Variants in KCNB2 observed in about 807,000 individuals in gnomAD.
The protein encoded by KCNB2 is potassium voltage-gated channel subfamily B member 2.
KCNB2 carries 15 observed loss-of-function variants against 61.5 expected under a neutral mutation model. The observed-to-expected ratio is 0.24, with a 90% CI of 0.16 to 0.38. The LOEUF (loss-of-function observed/expected upper bound fraction) is 0.38. Among genes scored for constraint, KCNB2 ranks in the 10% least tolerant of loss-of-function variants. KCNB2 has a pLI of 1.00. For missense variants in KCNB2, 828 were observed against 1,125.2 expected (o/e 0.74, Z 3.78); for synonymous variants, 457 against 446.0 (o/e 1.02, Z -0.31).
At chr8:72,688,398 C>T (rs575037803) in intron 2 of KCNB2, among the ~76,000 whole-genome samples, 3 of 152,178 alleles carry the variant, frequency 2.0e-5, no homozygotes, top group African/African-American at 7.2e-5. Flanking sequence ...ACTGGAATGC[C>T]TATTCTTCTT....
At chr8:72,699,617 A>G (rs1010656094) in intron 2 of KCNB2, among the ~76,000 whole-genome samples, 2 of 152,028 alleles carry the variant, frequency 1.3e-5, no homozygotes, top group Non-Finnish European at 2.9e-5. Context: ...CCATTTATCA[A>G]TTTTGGCTTT....
chr8:72,724,985 C>G (rs184883619), intron 2 of KCNB2, among the ~76,000 whole-genome samples: 55 of 152,042 alleles, frequency 3.6e-4, no homozygotes, highest in African/African-American at 1.1e-3. Context: ...TTTTCCTAAC[C>G]TTGGAGATAT....
At chr8:72,751,072 A>T (rs1216797059) in intron 2 of KCNB2, 2 of 152,156 alleles carry the variant, frequency 1.3e-5, no homozygotes, top group Admixed American at 1.3e-4. Context: ...TGACTTGAGA[A>T]GCTTGAAGCT....
chr8:72,559,368 CT>C (rs1806476668), intron 1 of KCNB2, among the ~76,000 whole-genome samples: 8 of 152,074 alleles, frequency 5.3e-5, no homozygotes, highest in Admixed American at 4.6e-4. Flanking sequence ...TGATCTTGAA[CT>C]CTTGAGCTCA....
intron 2 of KCNB2, among the ~76,000 whole-genome samples, chr8:72,711,744 C>A (rs1363953796): frequency 3.8e-5 from 4 of 104,466 alleles, no homozygotes. Flanking sequence ...AATCCCAGCA[C>A]TTTGGGAGGC....
At chr8:72,927,485 G>T (rs1248710332) in intron 2 of KCNB2, among the ~76,000 whole-genome samples, 2 of 152,078 alleles carry the variant, frequency 1.3e-5, no homozygotes, top group East Asian at 3.9e-4. Context: ...TGGTCAGGCT[G>T]GTCTTGAACT....
Position 72,779,614 on chromosome 8 carries a change from G to A in KCNB2, c.580-156321G>A, listed in dbSNP as rs533566802. Among the ~76,000 whole-genome samples, 4 of 152,106 alleles carry A rather than the reference G, an allele frequency of 2.6e-5. No homozygotes were observed. In the East Asian group the frequency reaches 5.8e-4, roughly 22 times the overall value. On this transcript the variant is annotated intron_variant, in intron 2 of 2. Transcript: ENST00000523207. ...TCATTTTCCCATTTCTGGAATTATT[G>A]CAAAACTCAATTAGTGAGTTTTATG...
At chr8:72,737,987 ATG>A (rs1449092171) in intron 2 of KCNB2, among the ~76,000 whole-genome samples, 1 of 152,176 alleles carries the variant, frequency 6.6e-6, no homozygotes, top group African/African-American at 2.4e-5. Flanking sequence ...TGCACCATGC[ATG>A]TATAATCCAA....
At chr8:72,924,832 G>A (rs183371889) in intron 2 of KCNB2, among the ~76,000 whole-genome samples, 95 of 152,220 alleles carry the variant, frequency 6.2e-4, no homozygotes, top group Middle Eastern at 3.4e-3. Context: ...TGCTTGCAAC[G>A]GAAGATTCAG....
rs1019118954 is a variant in KCNB2 at position 72,782,302 on chromosome 8, G to A, written c.580-153633G>A. ...TGCTTAGATATAGGGAAAAATTGTA[G>A]GGTAAACGCACCTGATAGCAATAAC... is the stretch of plus-strand genomic sequence containing the variant. On this transcript the variant is annotated intron_variant, in intron 2 of 2. Coordinates refer to ENST00000523207, the MANE Select transcript of KCNB2 (RefSeq NM_004770.3). Among the ~76,000 whole-genome samples the A allele has an allele frequency of 2.6e-5, 4 of 152,012 alleles. No homozygotes were observed. The East Asian group carries it at 7.7e-4, about 29-fold the overall frequency.
At chr8:72,871,887 G>T (rs1482396885) in intron 2 of KCNB2, among the ~76,000 whole-genome samples, 1 of 152,138 alleles carries the variant, frequency 6.6e-6, no homozygotes, top group Non-Finnish European at 1.5e-5. Flanking sequence ...AACTCATATG[G>T]TATCTTACCC....
At chr8:72,561,219 C>CA (rs941624452) in intron 1 of KCNB2, among the ~76,000 whole-genome samples, 20 of 151,174 alleles carry the variant, frequency 1.3e-4, no homozygotes, top group African/African-American at 4.6e-4. Context: ...TGCAGTGGCA[C>CA]AATCTCGGCT....
intron 2 of KCNB2, among the ~76,000 whole-genome samples, chr8:72,856,466 T>C (rs1180079989): frequency 6.6e-6 from 1 of 152,044 alleles, no homozygotes; most frequent in Non-Finnish European, 1.5e-5. Flanking sequence ...TGAAACTAAA[T>C]TGAACAGAAT....
chr8:72,850,285 T>A (rs960192011), intron 2 of KCNB2, among the ~76,000 whole-genome samples: 1 of 151,722 alleles, frequency 6.6e-6, no homozygotes, highest in Admixed American at 6.6e-5. Context: ...TGGGGTACGA[T>A]CTTGGCTCAC....
At chr8:72,584,626 C>T (rs1021027245) in intron 2 of KCNB2, among the ~76,000 whole-genome samples, 7 of 152,164 alleles carry the variant, frequency 4.6e-5, no homozygotes, top group Non-Finnish European at 7.3e-5. Context: ...CCTGCCCACC[C>T]GTGCCCTTGC....
At chr8:72,788,329 A>G (rs1221177208) in intron 2 of KCNB2, among the ~76,000 whole-genome samples, 2 of 152,082 alleles carry the variant, frequency 1.3e-5, no homozygotes, top group Non-Finnish European at 2.9e-5. Context: ...GTTTCTCCTC[A>G]GTTTGCAGAT....
chr8:72,885,904 G>A (rs1437551192), intron 2 of KCNB2, among the ~76,000 whole-genome samples: 2 of 152,060 alleles, frequency 1.3e-5, no homozygotes, highest in African/African-American at 4.8e-5. Context: ...TGTTTCCCAA[G>A]ATATTTTTCT....
Position 72,937,069 on chromosome 8 carries a change from G to A in KCNB2, c.1714G>A (p.Glu572Lys). 1 of 1,614,136 alleles carries A rather than the reference G, an allele frequency of 6.2e-7. No homozygotes were observed. The highest frequency in any genetic ancestry group is 8.5e-7 in the Non-Finnish European group (1 of 1,180,012). The change falls in exon 3 of 3, where the codon GAA (glutamate) becomes AAA (lysine). Residue 572 changes from glutamate (E) to lysine (K), a missense_variant. Physicochemically the swap from Glu to Lys is moderately conservative, Grantham distance 56. Transcript: ENST00000523207. ...EKPERPSAYE[E>K]EIEMEEVVCP... ...GCCTGAGAGGCCATCTGCATATGAA[G>A]AAGAGATTGAAATGGAAGAAGTGGT...
intron 2 of KCNB2, among the ~76,000 whole-genome samples, chr8:72,789,398 G>C (rs988061972): frequency 6.6e-6 from 1 of 152,156 alleles, no homozygotes; most frequent in Admixed American, 6.5e-5. Context: ...AGTCTCCACT[G>C]TCTCCCTGCT....
Sources: allele counts gnomAD v4.1 joint callset (sites outside exome capture counted in the v4.1 genomes callset), GRCh38; gene constraint gnomAD v4.1.1; transcripts MANE v1.5; gene names NCBI Gene and HGNC (gene_info 2026-07-23, HGNC 2026-07-21).